The following CDH4 variants were observed in gnomAD, a reference collection of about 807,000 sequenced individuals.
The protein encoded by CDH4 is cadherin-4.
CDH4 carries 33 observed loss-of-function variants against 86.0 expected under a neutral mutation model. The ratio of observed to expected loss-of-function variants is 0.38; its 90% confidence interval spans 0.29 to 0.51. CDH4 has a LOEUF of 0.51. Among genes scored for constraint, CDH4 ranks in the 20% least tolerant of loss-of-function variants. The pLI is 0.86. For synonymous variants in CDH4, 555 were observed against 549.4 expected (o/e 1.01, Z -0.14); for missense variants, 1,114 against 1,307.4 (o/e 0.85, Z 2.28).
intron 3 of CDH4, among the ~76,000 whole-genome samples, chr20:61,763,356 C>G (rs2088660473): frequency 6.6e-6 from 1 of 152,222 alleles, no homozygotes; most frequent in Admixed American, 6.5e-5. Context: ...TCCATCTGCA[C>G]CACGCTGGGG....
chr20:61,645,871 C>A (rs528740077), intron 2 of CDH4, among the ~76,000 whole-genome samples: 141 of 152,216 alleles, frequency 9.3e-4, no homozygotes, highest in Non-Finnish European at 1.8e-3. Context: ...GGTCTTCTGA[C>A]CCCAGAGTTA....
intron 2 of CDH4, among the ~76,000 whole-genome samples, chr20:61,285,483 G>A (rs536114546): frequency 6.6e-6 from 1 of 152,356 alleles, no homozygotes; most frequent in African/African-American, 2.4e-5. Flanking sequence ...AAGGAAAGAG[G>A]GGAAGCAAAA....
chr20:61,891,342 G>A (rs533039638), intron 7 of CDH4, among the ~76,000 whole-genome samples: 6 of 152,242 alleles, frequency 3.9e-5, no homozygotes, highest in East Asian at 3.9e-4. Flanking sequence ...GGTTGCTGAC[G>A]GCTCTGCAGC....
At chr20:61,710,263 G>A (rs1265645421) in intron 2 of CDH4, among the ~76,000 whole-genome samples, 4 of 152,206 alleles carry the variant, frequency 2.6e-5, no homozygotes, top group African/African-American at 9.6e-5. Flanking sequence ...GCAGCTGCCT[G>A]TGTGTCCTCA....
intron 11 of CDH4, among the ~76,000 whole-genome samples, chr20:61,926,761 T>C (rs1456166162): frequency 2.0e-5 from 3 of 152,048 alleles, no homozygotes; most frequent in Non-Finnish European, 4.4e-5. Flanking sequence ...TAATCCCAGC[T>C]ATTCGGGAGG....
Position 61,252,632 on chromosome 20 carries a change from G to T in CDH4, c.57+62G>T, listed in dbSNP as rs1210281280. ...CCCGGGCAGCGGGAGGTCGTCCCCG[G>T]ATCCCGCGGGGCGCTCACACACCCG... On this transcript the variant is annotated intron_variant, in intron 1 of 15. Transcript: ENST00000614565. This position sits in a 1 kb window ranked among gnomAD's most constrained non-coding sequence, Gnocchi z 4.4. 9.7e-6 allele frequency: 10 copies of T among 1,025,996 alleles called. No homozygotes were observed. Among genetic ancestry groups the T allele is most frequent in the Non-Finnish European group, 2.5e-6 (2 of 811,252 alleles). The allele number at this position is 1,025,996 out of a possible 1,614,324, so 63.6% of individuals were successfully genotyped here.
intron 3 of CDH4, among the ~76,000 whole-genome samples, chr20:61,764,893 T>C (rs942027372): frequency 6.6e-6 from 1 of 152,212 alleles, no homozygotes; most frequent in Non-Finnish European, 1.5e-5. Context: ...GCCTGGAGGC[T>C]TCTGCTGCTG....
intron 4 of CDH4, among the ~76,000 whole-genome samples, chr20:61,789,586 G>A (rs962387114): frequency 1.1e-4 from 17 of 152,202 alleles, no homozygotes; most frequent in African/African-American, 4.1e-4. Flanking sequence ...GCACATCAGG[G>A]AGGAGAGGAA....
intron 2 of CDH4, among the ~76,000 whole-genome samples, chr20:61,616,206 A>G (rs1413429556): frequency 6.6e-6 from 1 of 152,236 alleles, no homozygotes; most frequent in East Asian, 1.9e-4. Context: ...CTGACCAGAA[A>G]GGCCGTGACA....
rs553058699 is a variant in CDH4, at chr20:61,858,944, G to T, written c.877+6046G>T. ...TGAATGCCCGAGAATGCAATTGTGGGGTCATCTCGGGAGCAGGCGTTTGTT... is the reference window on the plus strand; with the variant it reads ...TGAATGCCCGAGAATGCAATTGTGGTGTCATCTCGGGAGCAGGCGTTTGTT... On this transcript the variant is annotated intron_variant, in intron 6 of 15. Coordinates refer to ENST00000614565, the MANE Select transcript of CDH4 (RefSeq NM_001794.5). 2.6e-5 allele frequency among the ~76,000 whole-genome samples: 4 copies of T among 152,276 alleles called. No homozygotes were observed. In the South Asian group the frequency reaches 8.3e-4, roughly 32 times the overall value.
At chr20:61,382,107 A>G (rs2145448172) in intron 2 of CDH4, among the ~76,000 whole-genome samples, 1 of 152,258 alleles carries the variant, frequency 6.6e-6, no homozygotes, top group South Asian at 2.1e-4. Flanking sequence ...TTAAAATAAA[A>G]AGATCACTGT....
chr20:61,322,679 G>T (rs960642324), intron 2 of CDH4, among the ~76,000 whole-genome samples: 2 of 152,164 alleles, frequency 1.3e-5, no homozygotes, highest in Admixed American at 6.5e-5. Context: ...CACACAATAT[G>T]TTCACTTCAT....
intron 2 of CDH4, chr20:61,570,771 T>C (rs749917865): frequency 8.0e-5 from 56 of 702,222 alleles, no homozygotes; most frequent in Non-Finnish European, 8.8e-5. Flanking sequence ...CGGCTTGTGA[T>C]GATGCCACTG....
intron 2 of CDH4, among the ~76,000 whole-genome samples, chr20:61,424,218 A>G (rs2085198061): frequency 1.4e-5 from 2 of 143,140 alleles, no homozygotes; most frequent in Admixed American, 6.8e-5. Context: ...CACACAGCAC[A>G]CATGTATATA....
intron 2 of CDH4, among the ~76,000 whole-genome samples, chr20:61,596,777 T>C (rs1484376287): frequency 1.3e-5 from 2 of 152,164 alleles, no homozygotes; most frequent in African/African-American, 2.4e-5. Flanking sequence ...CCTGGACTCC[T>C]TTCCAGACTC....
At chr20:61,564,094 A>T (rs1397216810) in intron 2 of CDH4, among the ~76,000 whole-genome samples, 1 of 152,008 alleles carries the variant, frequency 6.6e-6, no homozygotes, top group African/African-American at 2.4e-5. Context: ...TGTTTCTCTC[A>T]GTCTCCCTCT....
chr20:61,687,659 A>G (rs899613109), intron 2 of CDH4, among the ~76,000 whole-genome samples: 3 of 152,224 alleles, frequency 2.0e-5, no homozygotes, highest in Non-Finnish European at 4.4e-5. Context: ...AAGTTTTTTA[A>G]ATTCCCAAGT....
chr20:61,272,669 T>G (rs1282052615), intron 2 of CDH4, among the ~76,000 whole-genome samples: 1 of 152,072 alleles, frequency 6.6e-6, no homozygotes, highest in Non-Finnish European at 1.5e-5. Flanking sequence ...GGGAGTACTA[T>G]GCACAGTTTG....
chr20:61,505,867 G>A (rs1033714279), intron 2 of CDH4, among the ~76,000 whole-genome samples: 1 of 143,696 alleles, frequency 7.0e-6, no homozygotes, highest in Non-Finnish European at 1.6e-5. Flanking sequence ...GAAGGTCCAC[G>A]CAGTGTTTCC....
Sources: allele counts gnomAD v4.1 joint callset (sites outside exome capture counted in the v4.1 genomes callset), GRCh38; gene constraint gnomAD v4.1.1; non-coding constraint Gnocchi (gnomAD v3.1); transcripts MANE v1.5; gene names NCBI Gene and HGNC (gene_info 2026-07-23, HGNC 2026-07-21).